The following PADI6 variants were observed in gnomAD, a reference collection of about 807,000 sequenced individuals.
The protein encoded by PADI6 is inactive protein-arginine deiminase type-6.
A neutral mutation model predicts 78.2 loss-of-function variants in PADI6; 66 were observed. That is an observed-to-expected ratio of 0.84 (90% confidence interval 0.69 to 1.04). The LOEUF is 1.04. PADI6 is among the 50% of genes least tolerant of loss of function. The probability of loss-of-function intolerance (pLI) is 0.00; values close to 1 mark genes in which losing one functional copy is unlikely to be tolerated. For synonymous variants in PADI6, 397 were observed against 346.9 expected (o/e 1.14, Z -1.60); for missense variants, 854 against 866.1 (o/e 0.99, Z 0.18).
At chr1:17,400,439 G>A (rs2075289612) in intron 15 of PADI6, among the ~76,000 whole-genome samples, 1 of 151,750 alleles carries the variant, frequency 6.6e-6, no homozygotes, top group African/African-American at 2.4e-5. Flanking sequence ...CCTGGGAGGT[G>A]GAGGTTGCAG....
At chr1:17,372,476 C>T (rs1191723621) in intron 1 of PADI6, 115 bp downstream of exon 1, 2 of 981,572 alleles carry the variant, frequency 2.0e-6, no homozygotes, top group South Asian at 1.4e-5. Context: ...TATCCTGCCC[C>T]ATCTTGGGAA....
At chr1:17,401,130 AG>A (rs1214216387) in intron 15 of PADI6, 74 bp from the exon 16 acceptor site, 1 of 1,407,074 alleles carries the variant, frequency 7.1e-7, no homozygotes, top group Non-Finnish European at 9.9e-7. Flanking sequence ...GTCTGACCGC[AG>A]AGAGGCAGGT....
chr1:17,392,234 C>T lies in PADI6; in HGVS notation c.1074+9C>T, dbSNP rs1180591554. 6.5e-7 allele frequency: 1 copy of T among 1,546,188 alleles called. No individual in the cohort carries two copies. Among genetic ancestry groups the T allele is most frequent in the East Asian group, 2.4e-5 (1 of 40,950 alleles). ...TGGGCAGGTGGCTCCAGGTAACACCCCACCTGGGAACCCACCTGTCGGGGA... is the reference window on the plus strand; with the variant it reads ...TGGGCAGGTGGCTCCAGGTAACACCTCACCTGGGAACCCACCTGTCGGGGA... On this transcript the variant is annotated intron_variant, in intron 9 of 15. Coordinates refer to ENST00000619609, the MANE Select transcript of PADI6 (RefSeq NM_207421.4).
chr1:17,398,403 G>A (rs568553819), intron 14 of PADI6, among the ~76,000 whole-genome samples: 6 of 152,222 alleles, frequency 3.9e-5, no homozygotes, highest in Admixed American at 3.3e-4. Flanking sequence ...CTGGGTATTG[G>A]GCTCAGCTGG....
At chr1:17,393,084 T>G (rs960022659) in intron 9 of PADI6, among the ~76,000 whole-genome samples, 2 of 152,020 alleles carry the variant, frequency 1.3e-5, no homozygotes, top group Non-Finnish European at 2.9e-5. Flanking sequence ...AGGCGGAGGT[T>G]GCAGTGCACC....
chr1:17,375,391 A>G (rs373652073), intron 2 of PADI6, 36 bp from the exon 3 acceptor site: 4 of 1,584,992 alleles, frequency 2.5e-6, no homozygotes, highest in South Asian at 1.1e-5. Flanking sequence ...CCTCCCGTCC[A>G]ACACTGCCTA....
At chr1:17,396,481 CA>C in intron 13 of PADI6, among the ~76,000 whole-genome samples, 1 of 152,278 alleles carries the variant, frequency 6.6e-6, no homozygotes, top group East Asian at 1.9e-4. Context: ...AGGGCCAGCG[CA>C]CCTGGGAGCT....
chr1:17,373,503 ATTT>A (rs201367226), intron 2 of PADI6, among the ~76,000 whole-genome samples: 46 of 112,700 alleles, frequency 4.1e-4, no homozygotes, highest in African/African-American at 1.2e-3. Flanking sequence ...ATTTATTATT[ATTT>A]TTTTTTTTGA....
Position 17,381,051 on chromosome 1 carries a change from A to C in PADI6, c.440A>C (p.Lys147Thr), listed in dbSNP as rs767452185. ...ATGTTCCCATCTCATTTGCAGAAAA[A>C]ATGGATCTGGGGTCCCAGCGGTTGG... ...EMSSDKQAKK[K>T]WIWGPSGWGA... is the part of the protein sequence containing the mutation. The change falls in exon 5 of 16, where the codon AAA (lysine) becomes ACA (threonine). Residue 147 changes from lysine to threonine, a missense_variant. Coordinates refer to ENST00000619609, the MANE Select transcript of PADI6 (RefSeq NM_207421.4). 1 of 1,596,146 alleles carries C rather than the reference A, an allele frequency of 6.3e-7. No individual in the cohort carries two copies. Among genetic ancestry groups the C allele is most frequent in the Non-Finnish European group, 8.5e-7 (1 of 1,171,672 alleles).
intron 6 of PADI6, among the ~76,000 whole-genome samples, chr1:17,388,004 G>A (rs961696034): frequency 6.6e-6 from 1 of 152,114 alleles, no homozygotes; most frequent in African/African-American, 2.4e-5. Flanking sequence ...AGCCCAGCCT[G>A]GGACAGTTTC....
intron 6 of PADI6, among the ~76,000 whole-genome samples, chr1:17,384,941 C>T (rs567656448): frequency 2.9e-4 from 44 of 152,304 alleles, no homozygotes; most frequent in Admixed American, 2.6e-3. Flanking sequence ...AGCACGCAGT[C>T]GAGCGTGTCT....
At chr1:17,376,332 C>G (rs2075015704) in intron 3 of PADI6, among the ~76,000 whole-genome samples, 1 of 151,222 alleles carries the variant, frequency 6.6e-6, no homozygotes, top group Admixed American at 6.6e-5. Flanking sequence ...TGGAGTCTTG[C>G]TCTGTTGCCC....
At chr1:17,386,242 C>T (rs2526844) in intron 6 of PADI6, among the ~76,000 whole-genome samples, 43,013 of 152,076 alleles carry the variant, frequency 0.28, 6,250 homozygotes, top group Middle Eastern at 0.4. Flanking sequence ...GATGTGAGCC[C>T]ATGAGCCTGA....
chr1:17,376,979 C>T (rs2075025736), intron 3 of PADI6, among the ~76,000 whole-genome samples: 1 of 151,928 alleles, frequency 6.6e-6, no homozygotes, highest in Admixed American at 6.6e-5. Flanking sequence ...CTCAAACGAT[C>T]CTCTCACCTC....
chr1:17,397,047 C>T, intron 13 of PADI6, 24 bp from the exon 14 acceptor site: 1 of 1,611,300 alleles, frequency 6.2e-7, no homozygotes, highest in Non-Finnish European at 8.5e-7. Flanking sequence ...GACCAGCAGG[C>T]CTGCTGCCCG....
rs184549843 is a variant in PADI6, at chr1:17,386,342, A to G, written c.680-2039A>G. Among the ~76,000 whole-genome samples, 596 of 152,308 alleles carry G rather than the reference A, an allele frequency of 3.9e-3. 10 individuals carry two copies. The highest frequency in any genetic ancestry group is 2.9e-3 in the Non-Finnish European group (197 of 68,016). On this transcript the variant is annotated intron_variant, in intron 6 of 15. Coordinates refer to ENST00000619609, the MANE Select transcript of PADI6 (RefSeq NM_207421.4). ...ACTATCTGTGAGAGGGGCCCCCAGA[A>G]GGTCAACCACAGGAGAGCCAGCCAG...
At position 17,388,836 on chromosome 1, in the gene PADI6, C is replaced by T; in HGVS notation, c.918C>T (p.Val306=). ...TGGTGTTCCGGGTGGCTCCCTGTGT[C>T]TTCATTCCCTGTACCCAGGTGCCTC... ...DTVVFRVAPC[V]FIPCTQVPLE... The change falls in exon 8 of 16, where the codon GTC becomes GTT. Residue 306 remains valine (V), a synonymous_variant. Transcript: ENST00000619609. The T allele has an allele frequency of 1.2e-6, 2 of 1,613,860 alleles. No homozygotes were observed. The highest frequency in any genetic ancestry group is 1.7e-6 in the Non-Finnish European group (2 of 1,179,854).
rs1466514221 is a variant in PADI6, at chr1:17,398,935, G to GT, written c.1851+89dup. ...CTCACTGTGCTGGACTGCAGATATG[G>GT]TGGACAGCAGATAACGGTACCTATG... is the stretch of plus-strand genomic sequence containing the variant. On this transcript the variant is annotated intron_variant, in intron 15 of 15. Coordinates refer to ENST00000619609, the MANE Select transcript of PADI6 (RefSeq NM_207421.4). The GT allele has an allele frequency of 2.9e-6, 4 of 1,380,358 alleles. No homozygotes were observed. The African/African-American group carries it at 5.7e-5, about 20-fold the overall frequency. 85.5% of individuals were successfully genotyped at this position (1,380,358 alleles called of 1,614,324 possible). A position where few individuals can be genotyped will look rare whatever the true frequency, so the allele number is the denominator to read the frequency against.
chr1:17,373,233 G>GGT lies in PADI6; in HGVS notation c.294+1_294+2dup. 6.2e-7 allele frequency: 1 copy of GGT among 1,613,666 alleles called. No individual in the cohort carries two copies. Among genetic ancestry groups the GGT allele is most frequent in the Non-Finnish European group, 8.5e-7 (1 of 1,179,666 alleles). On this transcript the variant is annotated frameshift_variant and splice_region_variant. Transcript: ENST00000619609. LOFTEE classifies it high-confidence loss of function. ...CCAGCCCTTCCGTGGATGCGGATAA[G>GGT]GTAAGCCTCAGGGGAAGAGGTGAGG...
Sources: gnomAD v4.1 joint callset for allele counts (sites outside exome capture counted in the v4.1 genomes callset) on GRCh38, gnomAD v4.1.1 for gene constraint, MANE v1.5 for transcripts, NCBI Gene and HGNC (gene_info 2026-07-23, HGNC 2026-07-21) for gene names.